Variants in CUX1 observed in about 807,000 individuals in gnomAD.
CUX1 encodes the protein protein CASP.
A neutral mutation model predicts 158.8 loss-of-function variants in CUX1; 31 were observed. The ratio of observed to expected loss-of-function variants is 0.20; its 90% CI spans 0.15 to 0.26. CUX1 has a LOEUF of 0.26. Among genes scored for constraint, CUX1 ranks in the 10% least tolerant of loss-of-function variants. The probability of loss-of-function intolerance (pLI) is 1.00; values close to 1 mark genes in which losing one functional copy is unlikely to be tolerated. For missense variants in CUX1, 1,589 were observed against 2,014.6 expected (o/e 0.79, Z 4.04); for synonymous variants, 879 against 862.1 (o/e 1.02, Z -0.34).
intron 2 of CUX1, among the ~76,000 whole-genome samples, chr7:101,970,598 C>T (rs935710525): frequency 6.6e-6 from 1 of 152,114 alleles, no homozygotes; most frequent in Non-Finnish European, 1.5e-5. Context: ...TTCAGTCGCC[C>T]AGGCTGGAGT....
rs782340597 is a variant in CUX1 at position 102,197,003 on chromosome 7, G to T, written c.1592G>T (p.Gly531Val). ...TTACAACAAAGCCCAGATGTCAATG[G>T]CATGGCCCCATCCCCCAGCCAGTCA... ...SPLQQSPDVN[G>V]MAPSPSQSES... Residue 531 changes from glycine (G) to valine (V), a missense_variant, in exon 15 of 24, where the codon GGC becomes GTC. Around this residue, in one of 8 missense-constraint regions of CUX1, gnomAD observed 515 missense variants for 574.4 expected, o/e 0.90. Coordinates refer to ENST00000292535, the MANE Select transcript of CUX1 (RefSeq NM_181552.4). 1 of 1,614,216 alleles carries T rather than the reference G, an allele frequency of 6.2e-7. No individual in the cohort carries two copies. Among genetic ancestry groups the T allele is most frequent in the South Asian group, 1.1e-5 (1 of 91,082 alleles).
chr7:101,819,759 GAA>G (rs966057589), intron 1 of CUX1, among the ~76,000 whole-genome samples: 2 of 152,108 alleles, frequency 1.3e-5, no homozygotes, highest in African/African-American at 4.8e-5. Context: ...TTTCCTATGT[GAA>G]ACTCTTTTTT....
At chr7:101,928,815 C>T (rs1159502001) in intron 2 of CUX1, among the ~76,000 whole-genome samples, 5 of 150,996 alleles carry the variant, frequency 3.3e-5, no homozygotes, top group Admixed American at 1.3e-4. Context: ...GGACTACAGG[C>T]GCCCGCCACT....
At chr7:101,833,385 G>GA (rs554710100) in intron 1 of CUX1, among the ~76,000 whole-genome samples, 233 of 138,574 alleles carry the variant, frequency 1.7e-3, no homozygotes, top group African/African-American at 1.8e-3. Flanking sequence ...TGTCTCTACA[G>GA]AAAAAAAAAA....
At chr7:102,098,774 G>A (rs1455611374) in intron 5 of CUX1, among the ~76,000 whole-genome samples, 1 of 147,978 alleles carries the variant, frequency 6.8e-6, no homozygotes, top group Non-Finnish European at 1.5e-5. Context: ...CCGAATAGCT[G>A]GGACTACAGG....
At chr7:101,833,089 C>T (rs193112106) in intron 1 of CUX1, among the ~76,000 whole-genome samples, 22 of 152,090 alleles carry the variant, frequency 1.4e-4, no homozygotes, top group African/African-American at 5.3e-4. Context: ...TTCGACTGAA[C>T]GTGAAGCGTT....
intron 20 of CUX1, among the ~76,000 whole-genome samples, chr7:102,219,055 AAC>A (rs3138788): frequency 0.22 from 27,136 of 126,146 alleles, 2,743 homozygotes; most frequent in Middle Eastern, 0.26. Flanking sequence ...CCTGCCTCAA[AAC>A]ACACACACAC....
At chr7:102,006,966 C>T (rs1817448617) in intron 2 of CUX1, among the ~76,000 whole-genome samples, 1 of 152,194 alleles carries the variant, frequency 6.6e-6, no homozygotes, top group Admixed American at 6.5e-5. Context: ...TTGTAGATTT[C>T]GCCAGCGCGG....
intron 8 of CUX1, among the ~76,000 whole-genome samples, chr7:102,120,366 A>G (rs1203769591): frequency 2.0e-5 from 3 of 152,234 alleles, no homozygotes; most frequent in Non-Finnish European, 2.9e-5. Flanking sequence ...AGCCTCGATG[A>G]AAGAAAATAT....
At chr7:102,211,186 C>G (rs552544569) in intron 20 of CUX1, among the ~76,000 whole-genome samples, 1 of 152,312 alleles carries the variant, frequency 6.6e-6, no homozygotes, top group East Asian at 1.9e-4. Context: ...TGGCTCACAC[C>G]TGTAATCCCA....
At chr7:102,264,205 C>T (rs547965821) in intron 14 of CUX1, among the ~76,000 whole-genome samples, 108 of 151,788 alleles carry the variant, frequency 7.1e-4, no homozygotes, top group African/African-American at 2.5e-3. Flanking sequence ...GGGGTTTCAC[C>T]GTCTTGGCCA....
chr7:102,268,662 G>T (rs1554545566), intron 14 of CUX1, among the ~76,000 whole-genome samples: 1 of 152,130 alleles, frequency 6.6e-6, no homozygotes, highest in East Asian at 1.9e-4. Context: ...GGTTTCTTTG[G>T]CTCATGGTTC....
intron 2 of CUX1, among the ~76,000 whole-genome samples, chr7:102,015,002 T>TC (rs1013808908): frequency 6.6e-6 from 1 of 152,170 alleles, no homozygotes; most frequent in Non-Finnish European, 1.5e-5. Flanking sequence ...CAAGTAGATT[T>TC]ACCCATCGTT....
At chr7:102,265,942 G>A (rs967315873) in intron 14 of CUX1, among the ~76,000 whole-genome samples, 5 of 152,136 alleles carry the variant, frequency 3.3e-5, no homozygotes, top group Non-Finnish European at 1.5e-5. Flanking sequence ...AGTGGCTCAC[G>A]CCTGTAATCC....
Position 102,273,538 on chromosome 7 carries a change from A to G in CUX1, c.1383+45A>G, listed in dbSNP as rs10238741. The stretch of plus-strand genomic sequence containing the variant: ...CCATGCCCATCTCGATACCTGCCCA[A>G]CTGACTTAGCCTCTGCAAACACTGA... On this transcript the variant is annotated intron_variant, in intron 15 of 22. Transcript: ENST00000292538. The G allele has an allele frequency of 3.0e-3, 4,670 of 1,575,834 alleles. 102 individuals carry two copies. In the African/African-American group the frequency reaches 0.052, roughly 18 times the overall value.
chr7:102,061,246 A>G (rs1585476657), intron 3 of CUX1, among the ~76,000 whole-genome samples: 1 of 152,060 alleles, frequency 6.6e-6, no homozygotes, highest in Non-Finnish European at 1.5e-5. Context: ...CATTTAAGTA[A>G]CCTGCCTCCC....
intron 1 of CUX1, chr7:101,913,319 C>T: frequency 7.9e-7 from 1 of 1,259,278 alleles, no homozygotes; most frequent in African/African-American, 1.5e-5. Context: ...GTGGGTTTCC[C>T]ATGCCGACCT....
chr7:101,930,571 C>T (rs1806171633), intron 2 of CUX1, among the ~76,000 whole-genome samples: 1 of 152,140 alleles, frequency 6.6e-6, no homozygotes, highest in Admixed American at 6.6e-5. Flanking sequence ...TTTTAACTTG[C>T]AAATGTGAGT....
rs571770079 is a variant in CUX1 at position 102,229,532 on chromosome 7, G to A, written c.3433+1863G>A. On this transcript the variant is annotated intron_variant, in intron 21 of 23. Transcript: ENST00000292535. ...TCACCACGTTGGCCAGGATGGTCTCGAACTCCTGACCTCAAGTGATCCACC... is the reference window on the plus strand; with the variant it reads ...TCACCACGTTGGCCAGGATGGTCTCAAACTCCTGACCTCAAGTGATCCACC... Among the ~76,000 whole-genome samples, 250 of 150,024 alleles carry A rather than the reference G, an allele frequency of 1.7e-3. 1 individual carries two copies. Among genetic ancestry groups the A allele is most frequent in the African/African-American group, 5.5e-3 (225 of 40,704 alleles).
Sources: allele counts gnomAD v4.1 joint callset (sites outside exome capture counted in the v4.1 genomes callset), GRCh38; gene constraint gnomAD v4.1.1; regional missense constraint gnomAD v4.1.1; transcripts MANE v1.5; gene names NCBI Gene and HGNC (gene_info 2026-07-23, HGNC 2026-07-21).